Variants in TBC1D8 observed in about 807,000 individuals in gnomAD.
TBC1D8 encodes the protein BUB2-like protein 1.
In TBC1D8, 65 loss-of-function variants were observed where a neutral mutation model predicts 118.8. The ratio of observed to expected loss-of-function variants is 0.55; its 90% CI spans 0.45 to 0.67. The LOEUF is 0.67. Among genes scored for constraint, TBC1D8 ranks in the 30% least tolerant of loss-of-function variants. The pLI, the probability that TBC1D8 is intolerant of heterozygous loss-of-function variation, is 0.00. For missense variants in TBC1D8, 1,376 were observed against 1,471.2 expected (o/e 0.94, Z 1.06); for synonymous variants, 566 against 595.8 (o/e 0.95, Z 0.73).
At chr2:101,121,038 A>C (rs1256601488) in intron 1 of TBC1D8, among the ~76,000 whole-genome samples, 1 of 152,210 alleles carries the variant, frequency 6.6e-6, no homozygotes. Flanking sequence ...CTGAACTCAC[A>C]AGTAGCATGA....
At chr2:101,111,435 C>T (rs1459749013) in intron 1 of TBC1D8, among the ~76,000 whole-genome samples, 3 of 152,174 alleles carry the variant, frequency 2.0e-5, no homozygotes, top group African/African-American at 4.8e-5. Context: ...ACGAGCCTGC[C>T]GAATCCACAA....
Position 101,112,298 on chromosome 2 carries a change from T to C in TBC1D8, c.128-21934A>G, listed in dbSNP as rs112707364. On this transcript the variant is annotated intron_variant, in intron 1 of 19. Coordinates refer to ENST00000409318, the MANE Select transcript of TBC1D8 (RefSeq NM_001330348.2). ...CACTTGTTGCTGTGGCTTTAAAGAA[T>C]ACAGTTCTGTGGAAACTCCCCAGCG... Among the ~76,000 whole-genome samples the C allele has an allele frequency of 2.0e-5, 3 of 152,298 alleles. 1 individual carries two copies. Among genetic ancestry groups the C allele is most frequent in the African/African-American group, 4.8e-5 (2 of 41,558 alleles).
At chr2:101,069,933 C>A (rs1683220244) in intron 2 of TBC1D8, among the ~76,000 whole-genome samples, 2 of 123,132 alleles carry the variant, frequency 1.6e-5, no homozygotes, top group East Asian at 2.3e-4. Flanking sequence ...TTTTTTTTTT[C>A]ACACGGAATT....
At chr2:101,048,920 T>A (rs961375944) in intron 5 of TBC1D8, among the ~76,000 whole-genome samples, 7 of 152,234 alleles carry the variant, frequency 4.6e-5, no homozygotes, top group Non-Finnish European at 1.0e-4. Context: ...TTCATCCATG[T>A]GGTAGCATGG....
intron 1 of TBC1D8, among the ~76,000 whole-genome samples, chr2:101,096,419 CAAAAAAAAAAAA>C (rs55824667): frequency 5.3e-4 from 23 of 43,744 alleles, no homozygotes; most frequent in Admixed American, 1.3e-3. Flanking sequence ...TGGCTTTTGA[CAAAAAAAAAAAA>C]AAAAAAAAAA....
Position 101,069,844 on chromosome 2 carries a change from C to T in TBC1D8, c.284-10305G>A, listed in dbSNP as rs1203013194. ...AAATTAAATTATTCACTATTCTTAT[C>T]GCTTTCAGTTTTACAGATAACATTC... On this transcript the variant is annotated intron_variant, in intron 2 of 19. Transcript: ENST00000409318. 5.9e-5 allele frequency among the ~76,000 whole-genome samples: 9 copies of T among 151,322 alleles called. No individual in the cohort carries two copies. The East Asian group carries it at 9.7e-4, about 16-fold the overall frequency.
At position 101,096,419 on chromosome 2, in the gene TBC1D8, CAAAAAA is replaced by C. The variant is rs55824667; in HGVS notation, c.128-6061_128-6056del. The stretch of plus-strand genomic sequence containing the variant: ...CCAAAATATTATGTCTGGCTTTTGA[CAAAAAA>C]AAAAAAAAAAAAAAAAAAAAAACTA... On this transcript the variant is annotated intron_variant, in intron 1 of 19. Coordinates refer to ENST00000409318, the MANE Select transcript of TBC1D8 (RefSeq NM_001330348.2). 4.4e-3 allele frequency among the ~76,000 whole-genome samples: 194 copies of C among 43,740 alleles called. 1 individual carries two copies. The highest frequency in any genetic ancestry group is 0.013 in the African/African-American group (166 of 12,872). The allele number at this position is 43,740 out of a possible 152,430, so 28.7% of individuals were successfully genotyped here.
chr2:101,033,355 C>T (rs764107666), intron 10 of TBC1D8, 189 bp downstream of exon 10: 26 of 725,738 alleles, frequency 3.6e-5, no homozygotes, highest in East Asian at 5.5e-5. Flanking sequence ...CCTCATGATC[C>T]GTTGATTATA....
chr2:101,065,510 A>G (rs1682967150), intron 2 of TBC1D8, among the ~76,000 whole-genome samples: 1 of 152,250 alleles, frequency 6.6e-6, no homozygotes, highest in African/African-American at 2.4e-5. Context: ...TTTGATTTTC[A>G]GAGAGCTGAC....
At chr2:101,040,023 C>T (rs1009432778) in intron 6 of TBC1D8, among the ~76,000 whole-genome samples, 155 bp downstream of exon 6, 7 of 152,114 alleles carry the variant, frequency 4.6e-5, no homozygotes, top group East Asian at 3.9e-4. Flanking sequence ...TCAGGCCATG[C>T]CTCCCTCAAG....
At chr2:101,137,976 A>T (rs915727016) in intron 1 of TBC1D8, among the ~76,000 whole-genome samples, 3 of 152,220 alleles carry the variant, frequency 2.0e-5, no homozygotes, top group African/African-American at 7.2e-5. Context: ...ACAGTTCCAC[A>T]GGCTGTACAG....
intron 1 of TBC1D8, among the ~76,000 whole-genome samples, chr2:101,132,247 TAC>T (rs375411865): frequency 1.1e-4 from 16 of 152,112 alleles, no homozygotes; most frequent in Non-Finnish European, 1.6e-4. Flanking sequence ...ATGATATAAT[TAC>T]ACACACACAC....
At chr2:101,125,439 G>A (rs972456991) in intron 1 of TBC1D8, among the ~76,000 whole-genome samples, 2 of 152,092 alleles carry the variant, frequency 1.3e-5, no homozygotes, top group Non-Finnish European at 2.9e-5. Flanking sequence ...ACACACACAG[G>A]CCTCCTTCCA....
chr2:101,076,461 T>C (rs536622468), intron 2 of TBC1D8, among the ~76,000 whole-genome samples: 34 of 152,364 alleles, frequency 2.2e-4, no homozygotes, highest in Non-Finnish European at 5.9e-5. Context: ...GCGCAGCCTA[T>C]AGAGTATTCT....
chr2:101,041,979 C>T (rs1255343579), intron 5 of TBC1D8, among the ~76,000 whole-genome samples: 1 of 151,754 alleles, frequency 6.6e-6, no homozygotes, highest in East Asian at 1.9e-4. Flanking sequence ...GAGTCGAGAT[C>T]GCGCCACTGC....
rs138075441 is a variant in TBC1D8 at position 101,074,560 on chromosome 2, G to C, written c.284-15021C>G. ...ATAACGTGAAACACAATAGAAGGAG[G>C]TACACCTGTAGTTAAATGTATTCTA... On this transcript the variant is annotated intron_variant, in intron 2 of 19. Coordinates refer to ENST00000409318, the MANE Select transcript of TBC1D8 (RefSeq NM_001330348.2). 2.0e-5 allele frequency among the ~76,000 whole-genome samples: 3 copies of C among 152,250 alleles called. No individual in the cohort carries two copies. In the East Asian group the frequency reaches 5.8e-4, roughly 29 times the overall value.
intron 1 of TBC1D8, among the ~76,000 whole-genome samples, chr2:101,147,443 T>C (rs547929628): frequency 9.3e-4 from 141 of 152,334 alleles, no homozygotes; most frequent in Non-Finnish European, 1.8e-3. Context: ...AGTGTGAGTG[T>C]TCCCTTTTCT....
intron 1 of TBC1D8, among the ~76,000 whole-genome samples, chr2:101,116,862 G>A (rs915219358): frequency 2.0e-5 from 3 of 151,944 alleles, no homozygotes; most frequent in South Asian, 2.1e-4. Flanking sequence ...GGCTGGTCTC[G>A]AACTCCTGGT....
chr2:101,019,920 A>G (rs1679921891), intron 17 of TBC1D8, among the ~76,000 whole-genome samples: 1 of 151,790 alleles, frequency 6.6e-6, no homozygotes, highest in Non-Finnish European at 1.5e-5. Flanking sequence ...AAAATACAAA[A>G]AATTAGCTGG....
Sources: gnomAD v4.1 joint callset for allele counts (sites outside exome capture counted in the v4.1 genomes callset) on GRCh38, gnomAD v4.1.1 for gene constraint, MANE v1.5 for transcripts, NCBI Gene and HGNC (gene_info 2026-07-23, HGNC 2026-07-21) for gene names.